Variants in NELL2 observed in about 807,000 individuals in gnomAD.
NELL2 encodes the protein neural EGFL like 2.
In NELL2, 41 loss-of-function variants were observed where a neutral mutation model predicts 109.6. The observed-to-expected ratio is 0.37, with a 90% CI of 0.29 to 0.49. The LOEUF is 0.49. NELL2 is among the 20% of genes least tolerant of loss of function. The pLI is 0.98. For synonymous variants in NELL2, 355 were observed against 344.7 expected (o/e 1.03, Z -0.33); for missense variants, 900 against 1,008.3 (o/e 0.89, Z 1.45).
intron 9 of NELL2, among the ~76,000 whole-genome samples, chr12:44,757,469 C>A (rs1177458652): frequency 6.6e-6 from 1 of 152,098 alleles, no homozygotes; most frequent in Non-Finnish European, 1.5e-5. Context: ...CTGCTTCTCT[C>A]CCCATCCTTA....
chr12:44,629,173 T>C (rs575513118), intron 13 of NELL2, among the ~76,000 whole-genome samples: 37 of 152,312 alleles, frequency 2.4e-4, no homozygotes, highest in African/African-American at 4.3e-4. Context: ...ACTTTCACAC[T>C]GAAGCATGAA....
chr12:44,704,849 T>C (rs1937768467), intron 11 of NELL2, among the ~76,000 whole-genome samples: 1 of 151,746 alleles, frequency 6.6e-6, no homozygotes, highest in African/African-American at 2.4e-5. Flanking sequence ...TGAAACCCCG[T>C]CTGTACTAAA....
intron 16 of NELL2, among the ~76,000 whole-genome samples, chr12:44,528,057 C>T (rs888217669): frequency 4.6e-5 from 6 of 129,126 alleles, no homozygotes; most frequent in Non-Finnish European, 7.8e-5. Flanking sequence ...GAGATCGCCT[C>T]ACTGCACTCC....
chr12:44,826,937 G>A (rs899129704), intron 2 of NELL2, among the ~76,000 whole-genome samples: 1 of 152,102 alleles, frequency 6.6e-6, no homozygotes, highest in Non-Finnish European at 1.5e-5. Flanking sequence ...AATTGCACTT[G>A]ATCTTAGAAT....
chr12:44,612,714 G>A (rs1334169627), intron 13 of NELL2, among the ~76,000 whole-genome samples: 1 of 152,004 alleles, frequency 6.6e-6, no homozygotes, highest in East Asian at 1.9e-4. Flanking sequence ...TTCATCCCCA[G>A]TGCAATTCGA....
At chr12:44,591,664 T>C (rs1944755162) in intron 15 of NELL2, among the ~76,000 whole-genome samples, 1 of 152,098 alleles carries the variant, frequency 6.6e-6, no homozygotes, top group Admixed American at 6.5e-5. Flanking sequence ...AAATTACAGC[T>C]AGATAGGAGG....
chr12:44,529,707 C>G (rs933215494), intron 16 of NELL2, among the ~76,000 whole-genome samples: 13 of 152,122 alleles, frequency 8.5e-5, no homozygotes, highest in African/African-American at 3.1e-4. Flanking sequence ...CCCTGAGTGG[C>G]TGATCAAGGA....
intron 15 of NELL2, among the ~76,000 whole-genome samples, chr12:44,587,633 T>C (rs146443800): frequency 2.9e-4 from 44 of 152,202 alleles, no homozygotes; most frequent in Non-Finnish European, 5.3e-4. Context: ...TATGGATAGA[T>C]AGCCGACTGT....
chr12:44,606,923 CAT>C (rs751196767), intron 15 of NELL2, among the ~76,000 whole-genome samples: 48 of 152,146 alleles, frequency 3.2e-4, no homozygotes, highest in Middle Eastern at 3.4e-3. Context: ...TAATTCCACA[CAT>C]GTTTCTGAAA....
At chr12:44,890,065 CAA>C (rs1945516447) in intron 1 of NELL2, among the ~76,000 whole-genome samples, 1 of 152,166 alleles carries the variant, frequency 6.6e-6, no homozygotes, top group Non-Finnish European at 1.5e-5. Flanking sequence ...TTAGTTCAGC[CAA>C]AGTGTCTGTT....
rs116641071 is a variant in NELL2, at chr12:44,760,628, G to A, written c.994+14119C>T. ...TGTAAACATCTAATGTAACAGAAAG[G>A]TGTAATGTTCATAAGTGAACAAAAT... On this transcript the variant is annotated intron_variant, in intron 9 of 19. Transcript: ENST00000429094. 1.5e-3 allele frequency among the ~76,000 whole-genome samples: 195 copies of A among 129,474 alleles called. 1 individual carries two copies. Among genetic ancestry groups the A allele is most frequent in the African/African-American group, 4.5e-3 (158 of 34,750 alleles). The allele number at this position is 129,474 out of a possible 152,430, so 84.9% of individuals were successfully genotyped here. A position where few individuals can be genotyped will look rare whatever the true frequency, so the allele number is the denominator to read the frequency against.
chr12:44,612,856 A>C (rs1210457595), intron 13 of NELL2, among the ~76,000 whole-genome samples: 4 of 152,160 alleles, frequency 2.6e-5, no homozygotes, highest in East Asian at 3.9e-4. Context: ...CACCGGGTAG[A>C]GAAAGGACCT....
chr12:44,757,806 A>G (rs538790987), intron 9 of NELL2, among the ~76,000 whole-genome samples: 1 of 152,134 alleles, frequency 6.6e-6, no homozygotes, highest in Non-Finnish European at 1.5e-5. Context: ...ACAAATGAAC[A>G]GTAAATGTGA....
intron 2 of NELL2, among the ~76,000 whole-genome samples, chr12:44,833,846 T>C (rs1943963332): frequency 6.6e-6 from 1 of 152,200 alleles, no homozygotes; most frequent in South Asian, 2.1e-4. Context: ...TCGGTCCAAC[T>C]ATCTCATTAG....
intron 9 of NELL2, among the ~76,000 whole-genome samples, chr12:44,746,202 A>T (rs1006420962): frequency 1.4e-4 from 21 of 152,250 alleles, no homozygotes; most frequent in African/African-American, 5.1e-4. Flanking sequence ...TGGGAAAAGG[A>T]TTCCCTATTT....
intron 15 of NELL2, among the ~76,000 whole-genome samples, chr12:44,576,782 G>A (rs1944103521): frequency 6.6e-6 from 1 of 151,908 alleles, no homozygotes; most frequent in Non-Finnish European, 1.5e-5. Flanking sequence ...ACCTGTGAGT[G>A]AGAATATGCG....
intron 13 of NELL2, among the ~76,000 whole-genome samples, chr12:44,660,092 T>G (rs1947684018): frequency 6.6e-6 from 1 of 152,118 alleles, no homozygotes; most frequent in South Asian, 2.1e-4. Flanking sequence ...TGAGTGGGAC[T>G]TAAAACAGGG....
chr12:44,874,331 T>G (rs895594739), intron 2 of NELL2, among the ~76,000 whole-genome samples: 9 of 152,162 alleles, frequency 5.9e-5, no homozygotes, highest in African/African-American at 2.2e-4. Flanking sequence ...TCCATTCTCT[T>G]TTGCCTTCAT....
intron 12 of NELL2, among the ~76,000 whole-genome samples, chr12:44,668,803 G>T (rs1948036630): frequency 6.6e-6 from 1 of 152,118 alleles, no homozygotes; most frequent in South Asian, 2.1e-4. Context: ...GTGGCTCAGA[G>T]ACCTGAGGGT....
Sources: allele counts gnomAD v4.1 joint callset (sites outside exome capture counted in the v4.1 genomes callset), GRCh38; gene constraint gnomAD v4.1.1; transcripts MANE v1.5; gene names NCBI Gene and HGNC (gene_info 2026-07-23, HGNC 2026-07-21).